The following PNLIP variants were observed in gnomAD, a reference collection of about 807,000 sequenced individuals.
PNLIP encodes the protein pancreatic lipase, also known as pancreatic triacylglycerol lipase.
Under a neutral mutation model 57.1 loss-of-function variants are expected in PNLIP, and 49 were observed. The ratio of observed to expected loss-of-function variants is 0.86; its 90% CI spans 0.68 to 1.09. The LOEUF (loss-of-function observed/expected upper bound fraction) is 1.09. PNLIP is among the 50% of genes least tolerant of loss of function. PNLIP has a pLI of 0.00. For synonymous variants in PNLIP, 209 were observed against 200.4 expected (o/e 1.04, Z -0.36); for missense variants, 503 against 570.2 (o/e 0.88, Z 1.20).
chr10:116,562,698 T>G (rs1395910256), intron 12 of PNLIP, among the ~76,000 whole-genome samples: 1 of 152,088 alleles, frequency 6.6e-6, no homozygotes, highest in Non-Finnish European at 1.5e-5. Flanking sequence ...CAGCTGGAGG[T>G]CATTGAAATA....
chr10:116,553,452 A>G (rs933002266), intron 5 of PNLIP, among the ~76,000 whole-genome samples: 3 of 152,194 alleles, frequency 2.0e-5, no homozygotes, highest in Admixed American at 1.3e-4. Context: ...AGGTTTAGAT[A>G]TATTTGGATA....
chr10:116,553,304 C>T (rs1236990987), intron 5 of PNLIP, among the ~76,000 whole-genome samples: 1 of 152,164 alleles, frequency 6.6e-6, no homozygotes, highest in Non-Finnish European at 1.5e-5. Flanking sequence ...GGGGTTTCAC[C>T]ATATTGGCCA....
At position 116,555,470 on chromosome 10, in the gene PNLIP, T is replaced by C; in HGVS notation, c.774T>C (p.Ile258=). ...AAATGCCTGGATGTAAAAAGAACAT[T>C]CTCTCTCAGATTGTGGACATAGACG... The part of the protein sequence containing the change: ...GVEMPGCKKN[I]LSQIVDIDGI... The change falls in exon 8 of 13, where the codon ATT becomes ATC. Residue 258 remains isoleucine (I), a synonymous_variant. Transcript: ENST00000369221. 6.2e-7 allele frequency: 1 copy of C among 1,614,104 alleles called. No individual in the cohort carries two copies. The highest frequency in any genetic ancestry group is 2.2e-5 in the East Asian group (1 of 44,884).
At chr10:116,560,645 T>A (rs1275405584) in intron 11 of PNLIP, 121 bp downstream of exon 11, 1 of 531,060 alleles carries the variant, frequency 1.9e-6, no homozygotes, top group Non-Finnish European at 3.3e-6. Flanking sequence ...TGGTGCAATC[T>A]TGGCTCACTA....
intron 10 of PNLIP, among the ~76,000 whole-genome samples, chr10:116,559,952 G>A (rs977990263): frequency 2.0e-5 from 3 of 152,004 alleles, no homozygotes; most frequent in Non-Finnish European, 1.5e-5. Flanking sequence ...GCAATGAAAA[G>A]TTGAATTATA....
At chr10:116,556,226 C>A in intron 9 of PNLIP, 108 bp downstream of exon 9, 1 of 679,010 alleles carries the variant, frequency 1.5e-6, no homozygotes, top group Non-Finnish European at 2.6e-6. Context: ...TACTTTTGAA[C>A]TTATACATGC....
chr10:116,546,279 C>T, intron 2 of PNLIP, 141 bp downstream of exon 2: 1 of 711,892 alleles, frequency 1.4e-6, no homozygotes, highest in Non-Finnish European at 2.5e-6. Flanking sequence ...CATAAGAGCA[C>T]AGGTACATGG....
chr10:116,565,076 T>C (rs1847350355), intron 12 of PNLIP, among the ~76,000 whole-genome samples: 1 of 151,310 alleles, frequency 6.6e-6, no homozygotes, highest in Non-Finnish European at 1.5e-5. Flanking sequence ...GCTAACACGG[T>C]GAAACCCCGT....
intron 5 of PNLIP, among the ~76,000 whole-genome samples, chr10:116,553,420 C>T (rs1036132985): frequency 1.1e-4 from 16 of 152,100 alleles, no homozygotes; most frequent in Admixed American, 3.3e-4. Context: ...TCATTTATAC[C>T]GTATTTTTGC....
intron 12 of PNLIP, among the ~76,000 whole-genome samples, chr10:116,563,447 A>G (rs561410469): frequency 3.9e-5 from 6 of 152,254 alleles, no homozygotes; most frequent in Non-Finnish European, 8.8e-5. Context: ...TGGTTACATG[A>G]GTAAGTTCTT....
At chr10:116,551,301 A>G in intron 5 of PNLIP, 69 bp downstream of exon 5, 1 of 1,180,572 alleles carries the variant, frequency 8.5e-7, no homozygotes, top group Non-Finnish European at 1.1e-6. Context: ...AAAAAAAAAA[A>G]AAAAAGCCTG....
Position 116,547,397 on chromosome 10 carries a change from T to C in PNLIP, c.150T>C (p.Asp50=), listed in dbSNP as rs148511155. The C allele has an allele frequency of 3.8e-5, 61 of 1,614,078 alleles. No homozygotes were observed. The African/African-American group carries it at 6.9e-4, about 18-fold the overall frequency. The stretch of plus-strand genomic sequence containing the variant: ...ATATATTGCCTTGGTCTCCAAAAGA[T>C]GTCAACACCCGCTTCCTCCTATATA... ...PLHILPWSPK[D]VNTRFLLYTN... The change falls in exon 3 of 13, where the codon GAT becomes GAC. Residue 50 remains aspartate, a synonymous_variant. Coordinates refer to ENST00000369221, the MANE Select transcript of PNLIP (RefSeq NM_000936.4).
intron 9 of PNLIP, 147 bp downstream of exon 9, chr10:116,556,265 A>G (rs1228945723): frequency 1.0e-5 from 6 of 593,304 alleles, no homozygotes; most frequent in Non-Finnish European, 1.8e-5. Flanking sequence ...AAATAGTGAT[A>G]AATTAGAGCA....
intron 5 of PNLIP, among the ~76,000 whole-genome samples, chr10:116,552,983 G>A (rs150682292): frequency 1.2e-4 from 19 of 152,266 alleles, no homozygotes; most frequent in African/African-American, 2.4e-4. Flanking sequence ...AGTCTTCAGC[G>A]GTGTGCAGTA....
intron 9 of PNLIP, among the ~76,000 whole-genome samples, chr10:116,558,487 C>A (rs1266961617): frequency 6.6e-6 from 1 of 151,988 alleles, no homozygotes; most frequent in Non-Finnish European, 1.5e-5. Flanking sequence ...AGCCACCATG[C>A]ACAGCCAACT....
In PNLIP at chr10:116,560,407, C is replaced by G; in HGVS notation, c.1061-9C>G. On this transcript the variant is annotated splice_polypyrimidine_tract_variant and intron_variant, in intron 10 of 12. Transcript: ENST00000369221. ...CAAACTGACATTTTGCAATTTTTCT[C>G]CCTTGCAGGTTGGAGGTATAAGGTA... 6.7e-7 allele frequency: 1 copy of G among 1,503,612 alleles called. No homozygotes were observed. The highest frequency in any genetic ancestry group is 9.1e-7 in the Non-Finnish European group (1 of 1,099,310). The allele number at this position is 1,503,612 out of a possible 1,614,324, so 93.1% of individuals were successfully genotyped here.
At chr10:116,548,590 A>T in intron 4 of PNLIP, 108 bp downstream of exon 4, 1 of 1,232,842 alleles carries the variant, frequency 8.1e-7, no homozygotes, top group Non-Finnish European at 1.1e-6. Flanking sequence ...GTCTTGGAGG[A>T]TATTCAGACC....
intron 12 of PNLIP, among the ~76,000 whole-genome samples, chr10:116,567,154 TTTCTTTTC>T (rs1847377179): frequency 6.6e-6 from 1 of 151,162 alleles, no homozygotes; most frequent in Non-Finnish European, 1.5e-5. Context: ...CTTCTCTTTC[TTTCTTTTC>T]TTTCTTTCTC....
chr10:116,553,163 T>C (rs545191858), intron 5 of PNLIP, among the ~76,000 whole-genome samples: 1 of 152,264 alleles, frequency 6.6e-6, no homozygotes, highest in East Asian at 1.9e-4. Context: ...TAGAGCGCAA[T>C]GGCGCGATCT....
Sources: gnomAD v4.1 joint callset for allele counts (sites outside exome capture counted in the v4.1 genomes callset) on GRCh38, gnomAD v4.1.1 for gene constraint, MANE v1.5 for transcripts, NCBI Gene and HGNC (gene_info 2026-07-23, HGNC 2026-07-21) for gene names.